Variants in WWP2 observed in about 807,000 individuals in gnomAD.
WWP2 encodes the protein NEDD4-like E3 ubiquitin-protein ligase WWP2.
A neutral mutation model predicts 121.0 loss-of-function variants in WWP2; 57 were observed. The observed-to-expected ratio is 0.47, with a 90% CI of 0.38 to 0.59. The LOEUF (loss-of-function observed/expected upper bound fraction) is 0.59, where lower values mean the gene tolerates loss of function less well. Ranked by LOEUF, WWP2 falls within the 20% of genes least tolerant of loss-of-function variation. The pLI, the probability that WWP2 is intolerant of heterozygous loss-of-function variation, is 0.00. For missense variants in WWP2, 962 were observed against 1,158.9 expected, an observed-to-expected ratio of 0.83 and a Z score of 2.47; for synonymous variants, 449 against 441.3, an observed-to-expected ratio of 1.02 and a Z score of -0.22.
At chr16:69,882,659 C>T (rs999520950) in intron 7 of WWP2, among the ~76,000 whole-genome samples, 2 of 152,022 alleles carry the variant, frequency 1.3e-5, no homozygotes, top group East Asian at 1.9e-4. Flanking sequence ...GTCGGGAGGG[C>T]GTCCAGGGAA....
chr16:69,885,058 A>G (rs1004375024), intron 7 of WWP2, among the ~76,000 whole-genome samples: 5 of 151,294 alleles, frequency 3.3e-5, no homozygotes, highest in Admixed American at 2.0e-4. Context: ...AATACTTTAG[A>G]AACTCCCCCT....
intron 6 of WWP2, among the ~76,000 whole-genome samples, chr16:69,867,615 G>A (rs1047212179): frequency 1.3e-5 from 2 of 152,194 alleles, no homozygotes; most frequent in African/African-American, 4.8e-5. Context: ...GAACCACTTT[G>A]GGGAGCGTGG....
intron 8 of WWP2, among the ~76,000 whole-genome samples, chr16:69,900,107 T>G (rs538333564): frequency 6.6e-6 from 1 of 152,326 alleles, no homozygotes; most frequent in South Asian, 2.1e-4. Flanking sequence ...GATGCACTTA[T>G]AGCTAAATTT....
chr16:69,765,836 ATGGGGAGT>A, intron 1 of WWP2, among the ~76,000 whole-genome samples: 2 of 152,046 alleles, frequency 1.3e-5, no homozygotes, highest in South Asian at 4.2e-4. Flanking sequence ...TTTTGGAGAG[ATGGGGAGT>A]TGGGGGCGGG....
At chr16:69,936,029 A>T in intron 18 of WWP2, 43 bp downstream of exon 18, 1 of 1,602,788 alleles carries the variant, frequency 6.2e-7, no homozygotes, top group Non-Finnish European at 8.5e-7. Flanking sequence ...GATAGGAGGG[A>T]CGTCTCTGGG....
chr16:69,937,049 C>T lies in WWP2; in HGVS notation c.2118-69C>T, dbSNP rs192419500. The T allele has an allele frequency of 2.0e-5, 31 of 1,570,834 alleles. 1 individual carries two copies. The highest frequency in any genetic ancestry group is 2.3e-5 in the South Asian group (2 of 85,910). On this transcript the variant is annotated intron_variant, in intron 19 of 23. Transcript: ENST00000359154. This position sits in a 1 kb window ranked among gnomAD's most constrained non-coding sequence, Gnocchi z 6.6. ...GTGGTCCTGCGCGGTAACGGCCACG[C>T]GGCCTGGCCGGGAGCCACCCCTGAG...
At chr16:69,885,248 A>C (rs761070182) in intron 7 of WWP2, among the ~76,000 whole-genome samples, 2 of 152,122 alleles carry the variant, frequency 1.3e-5, no homozygotes, top group Non-Finnish European at 2.9e-5. Flanking sequence ...GTTTTTTTTA[A>C]AATTGAGTAA....
At chr16:69,877,150 T>C (rs1228378490) in intron 7 of WWP2, among the ~76,000 whole-genome samples, 2 of 152,228 alleles carry the variant, frequency 1.3e-5, no homozygotes, top group Non-Finnish European at 2.9e-5. Flanking sequence ...GAAGGCTCTT[T>C]CGTCAACATT....
chr16:69,864,290 C>T (rs981132203), intron 6 of WWP2, among the ~76,000 whole-genome samples: 2 of 152,010 alleles, frequency 1.3e-5, no homozygotes, highest in Admixed American at 1.3e-4. Flanking sequence ...ATTGCAGGAG[C>T]CCAGGAGGCT....
intron 4 of WWP2, among the ~76,000 whole-genome samples, chr16:69,816,451 A>G (rs899053520): frequency 2.0e-5 from 3 of 148,140 alleles, no homozygotes; most frequent in African/African-American, 4.9e-5. Flanking sequence ...AACTATATCT[A>G]TATAATATAT....
chr16:69,821,289 G>C (rs923023145), intron 4 of WWP2, among the ~76,000 whole-genome samples: 1 of 152,190 alleles, frequency 6.6e-6, no homozygotes, highest in Non-Finnish European at 1.5e-5. Flanking sequence ...AGTTGCAGCC[G>C]GGGCCCTTTT....
chr16:69,906,258 G>A (rs2058290602), intron 8 of WWP2, among the ~76,000 whole-genome samples: 1 of 151,974 alleles, frequency 6.6e-6, no homozygotes, highest in Non-Finnish European at 1.5e-5. Flanking sequence ...ATTTTTAGTA[G>A]AGACAGGGTT....
At chr16:69,766,262 C>T (rs2038727883) in intron 1 of WWP2, among the ~76,000 whole-genome samples, 1 of 152,166 alleles carries the variant, frequency 6.6e-6, no homozygotes, top group Non-Finnish European at 1.5e-5. Flanking sequence ...TCCACAAAGC[C>T]TACTGGCTGT....
At chr16:69,791,847 AT>A (rs1473868145) in intron 2 of WWP2, among the ~76,000 whole-genome samples, 1 of 152,060 alleles carries the variant, frequency 6.6e-6, no homozygotes, top group African/African-American at 2.4e-5. Context: ...AGGTGCTGGG[AT>A]TATAGATGTG....
At position 69,800,662 on chromosome 16, in the gene WWP2, T is replaced by A. The variant is rs531281098; in HGVS notation, c.340+1367T>A. Among the ~76,000 whole-genome samples, 59 of 151,336 alleles carry A rather than the reference T, an allele frequency of 3.9e-4. 1 individual carries two copies. Among genetic ancestry groups the A allele is most frequent in the African/African-American group, 1.4e-3 (59 of 41,366 alleles). ...TCACTGCAACCTCCGCCTCCCAGGT[T>A]CAAGCGATCCTACCACCTCAGCCTC... On this transcript the variant is annotated intron_variant, in intron 4 of 23. Transcript: ENST00000359154.
intron 4 of WWP2, among the ~76,000 whole-genome samples, chr16:69,800,385 T>C (rs1369638745): frequency 1.3e-5 from 2 of 152,286 alleles, no homozygotes; most frequent in East Asian, 3.9e-4. Context: ...TTTGGAAATA[T>C]ACTTGTGGAT....
chr16:69,792,573 A>G (rs1221799956), intron 2 of WWP2, among the ~76,000 whole-genome samples: 1 of 152,234 alleles, frequency 6.6e-6, no homozygotes, highest in African/African-American at 2.4e-5. Context: ...ACTGTAGGTT[A>G]CAAATGTGTC....
rs776553368 is a variant in WWP2 at position 69,925,532 on chromosome 16, G to T, written c.1234+48G>T. 4.8e-5 allele frequency: 78 copies of T among 1,608,938 alleles called. No homozygotes were observed. Among genetic ancestry groups the T allele is most frequent in the Non-Finnish European group, 6.3e-5 (74 of 1,177,762 alleles). ...GGCCCTTGGCCTTCCGTCAGCCACG[G>T]TGCTCTGTCCTCTCCTCCCGCGTGT... On this transcript the variant is annotated intron_variant, in intron 11 of 23. Transcript: ENST00000359154. This position sits in a 1 kb window ranked among gnomAD's most constrained non-coding sequence, Gnocchi z 4.0.
In WWP2 at chr16:69,764,648, T is replaced by C. The variant is rs1465568487; in HGVS notation, c.-16+2257T>C. 2.0e-5 allele frequency among the ~76,000 whole-genome samples: 3 copies of C among 152,356 alleles called. No homozygotes were observed. In the East Asian group the frequency reaches 5.8e-4, roughly 29 times the overall value. ...GCTTCCTCTTCCTGGGAAAACATTC[T>C]TTCATTCAGTGAATATTTATAAGTA... On this transcript the variant is annotated intron_variant, in intron 1 of 23. Coordinates refer to ENST00000359154, the MANE Select transcript of WWP2 (RefSeq NM_001270454.2).
Sources: allele counts gnomAD v4.1 joint callset (sites outside exome capture counted in the v4.1 genomes callset), GRCh38; gene constraint gnomAD v4.1.1; non-coding constraint Gnocchi (gnomAD v3.1); transcripts MANE v1.5; gene names NCBI Gene and HGNC (gene_info 2026-07-23, HGNC 2026-07-21).